Variants in LRFN2 observed in about 807,000 individuals in gnomAD.
The protein encoded by LRFN2 is leucine-rich repeat and fibronectin type-III domain-containing protein 2.
In LRFN2, 18 loss-of-function variants were observed where a neutral mutation model predicts 37.3. The ratio of observed to expected loss-of-function variants is 0.48; its 90% CI spans 0.33 to 0.72. The LOEUF (loss-of-function observed/expected upper bound fraction) is 0.72, where lower values mean the gene tolerates loss of function less well. Among genes scored for constraint, LRFN2 ranks in the 30% least tolerant of loss-of-function variants. LRFN2 has a pLI of 0.02. For synonymous variants in LRFN2, 556 were observed against 466.6 expected (o/e 1.19, Z -2.47); for missense variants, 1,006 against 1,060.7 (o/e 0.95, Z 0.72).
rs781621719 is a variant in LRFN2, at chr6:40,432,399, A to C, written c.715T>G (p.Phe239Val). 84 of 1,614,060 alleles carry C rather than the reference A, an allele frequency of 5.2e-5. No individual in the cohort carries two copies. The highest frequency in any genetic ancestry group is 6.9e-5 in the Non-Finnish European group (81 of 1,180,046). ...TTGCAGTGAAGTGGGTTACCCCCAA[A>C]ACTAAAGGACAAGGGTGGGGCAAAG... is the stretch of plus-strand genomic sequence containing the variant. ...TPFAPPLSFS[F>V]GGNPLHCNCE... Residue 239 changes from phenylalanine to valine, a missense_variant, in exon 2 of 3, where the codon TTT becomes GTT. Phe to Val is a conservative substitution (Grantham distance 50, BLOSUM62 -1). Coordinates refer to ENST00000338305, the MANE Select transcript of LRFN2 (RefSeq NM_020737.3).
intron 2 of LRFN2, among the ~76,000 whole-genome samples, chr6:40,431,254 A>T (rs1390904585): frequency 2.6e-5 from 4 of 152,210 alleles, no homozygotes; most frequent in Non-Finnish European, 4.4e-5. Flanking sequence ...AGCAAGTGGA[A>T]AAGCCATGAT....
intron 1 of LRFN2, among the ~76,000 whole-genome samples, chr6:40,434,944 A>G (rs1044207056): frequency 1.4e-5 from 2 of 146,464 alleles, no homozygotes; most frequent in Non-Finnish European, 3.0e-5. Flanking sequence ...ACACTAAATT[A>G]ATGTTTAAGT....
At chr6:40,584,307 T>C (rs534660371) in intron 1 of LRFN2, among the ~76,000 whole-genome samples, 1 of 152,326 alleles carries the variant, frequency 6.6e-6, no homozygotes, top group African/African-American at 2.4e-5. Context: ...ATTGGGTACA[T>C]GCTATTATTT....
At chr6:40,414,749 C>T (rs1180849541) in intron 2 of LRFN2, among the ~76,000 whole-genome samples, 2 of 152,334 alleles carry the variant, frequency 1.3e-5, no homozygotes, top group Middle Eastern at 3.4e-3. Flanking sequence ...CCCCCCCAGG[C>T]GGGGTCACTG....
At chr6:40,519,862 T>C (rs1330799572) in intron 1 of LRFN2, among the ~76,000 whole-genome samples, 2 of 152,086 alleles carry the variant, frequency 1.3e-5, no homozygotes, top group Admixed American at 1.3e-4. Context: ...GAGTAAGATT[T>C]ATCATTCATT....
chr6:40,524,528 A>T (rs679821), intron 1 of LRFN2, among the ~76,000 whole-genome samples: 1 of 151,792 alleles, frequency 6.6e-6, no homozygotes, highest in African/African-American at 2.4e-5. Flanking sequence ...CTGGGGTCCC[A>T]TTTTTGTACC....
chr6:40,408,881 CA>C (rs1415654796), intron 2 of LRFN2, among the ~76,000 whole-genome samples: 1 of 152,174 alleles, frequency 6.6e-6, no homozygotes, highest in African/African-American at 2.4e-5. Flanking sequence ...TTTTAAAAAA[CA>C]GCAACAAAAT....
At chr6:40,547,203 C>T (rs922573447) in intron 1 of LRFN2, among the ~76,000 whole-genome samples, 1 of 150,906 alleles carries the variant, frequency 6.6e-6, no homozygotes, top group Non-Finnish European at 1.5e-5. Context: ...TTCCTGGGTT[C>T]AAGCAATTCT....
chr6:40,439,979 G>C (rs1050530328), intron 1 of LRFN2, among the ~76,000 whole-genome samples: 1 of 152,022 alleles, frequency 6.6e-6, no homozygotes, highest in African/African-American at 2.4e-5. Context: ...TTCTAGCTTA[G>C]TGGCTGCAGA....
At chr6:40,470,587 T>C (rs1055195024) in intron 1 of LRFN2, among the ~76,000 whole-genome samples, 2 of 150,292 alleles carry the variant, frequency 1.3e-5, no homozygotes, top group Non-Finnish European at 3.0e-5. Context: ...TCCAGCCTGG[T>C]GACAGAGCAA....
chr6:40,416,264 C>T (rs1021041285), intron 2 of LRFN2, among the ~76,000 whole-genome samples: 1 of 152,244 alleles, frequency 6.6e-6, no homozygotes, highest in African/African-American at 2.4e-5. Context: ...CCGCCTCAGC[C>T]TCCCAAAGTG....
intron 2 of LRFN2, among the ~76,000 whole-genome samples, chr6:40,399,110 A>C (rs942998876): frequency 1.3e-5 from 2 of 151,540 alleles, no homozygotes; most frequent in African/African-American, 4.8e-5. Context: ...TATCTCTTCT[A>C]TTTTTTCGTC....
chr6:40,428,796 A>G (rs1763413095), intron 2 of LRFN2, among the ~76,000 whole-genome samples: 1 of 152,222 alleles, frequency 6.6e-6, no homozygotes, highest in African/African-American at 2.4e-5. Context: ...GATTGCTATT[A>G]CCATTATCTG....
chr6:40,475,857 A>G (rs1764699610), intron 1 of LRFN2, among the ~76,000 whole-genome samples: 1 of 152,066 alleles, frequency 6.6e-6, no homozygotes, highest in African/African-American at 2.4e-5. Context: ...GGATGGGTGA[A>G]TTGGCCAAGG....
intron 1 of LRFN2, among the ~76,000 whole-genome samples, chr6:40,485,801 A>T (rs561463552): frequency 6.6e-6 from 1 of 152,358 alleles, no homozygotes; most frequent in African/African-American, 2.4e-5. Context: ...TCTTGATTTA[A>T]GTGCCCCCAG....
intron 1 of LRFN2, among the ~76,000 whole-genome samples, chr6:40,464,766 G>A (rs747790619): frequency 1.3e-5 from 2 of 152,004 alleles, no homozygotes; most frequent in East Asian, 3.9e-4. Flanking sequence ...AAATGCAGAA[G>A]AGTTATTCAA....
intron 1 of LRFN2, among the ~76,000 whole-genome samples, chr6:40,551,935 T>C (rs1766783834): frequency 6.6e-6 from 1 of 152,154 alleles, no homozygotes; most frequent in Admixed American, 6.5e-5. Flanking sequence ...CATTTCACTG[T>C]TGAGGAAACT....
chr6:40,501,469 T>A (rs1457054077), intron 1 of LRFN2, among the ~76,000 whole-genome samples: 1 of 151,152 alleles, frequency 6.6e-6, no homozygotes, highest in Non-Finnish European at 1.5e-5. Context: ...CAGGTGCCCA[T>A]CACCGTGCCT....
intron 2 of LRFN2, among the ~76,000 whole-genome samples, chr6:40,416,047 T>C (rs945348614): frequency 1.3e-5 from 2 of 152,188 alleles, no homozygotes; most frequent in Non-Finnish European, 2.9e-5. Flanking sequence ...CTCACTTCTT[T>C]GCCCAGGCTG....
Sources: gnomAD v4.1 joint callset for allele counts (sites outside exome capture counted in the v4.1 genomes callset) on GRCh38, gnomAD v4.1.1 for gene constraint, MANE v1.5 for transcripts, NCBI Gene and HGNC (gene_info 2026-07-23, HGNC 2026-07-21) for gene names.